The following DIPK1A variants were observed in gnomAD, a reference collection of about 807,000 sequenced individuals.
The protein encoded by DIPK1A is family with sequence similarity 69 member A.
Under a neutral mutation model 40.8 loss-of-function variants are expected in DIPK1A, and 27 were observed. That is an observed-to-expected ratio of 0.66 (90% confidence interval 0.49 to 0.91). DIPK1A has a LOEUF of 0.91. DIPK1A is among the 40% of genes least tolerant of loss of function. The probability of loss-of-function intolerance (pLI) is 0.00; values close to 1 mark genes in which losing one functional copy is unlikely to be tolerated. For missense variants in DIPK1A, 412 were observed against 505.7 expected (o/e 0.81, Z 1.78); for synonymous variants, 166 against 171.3 (o/e 0.97, Z 0.24).
In DIPK1A at chr1:92,843,554, G is replaced by A. The variant is rs1557447026; in HGVS notation, c.1116C>T (p.Asp372=). 1.3e-6 allele frequency: 2 copies of A among 1,552,086 alleles called. No individual in the cohort carries two copies. Residue 372 remains aspartate, a synonymous_variant, in exon 5 of 5, where the codon GAC becomes GAT. Transcript: ENST00000370310. ...CACTTGGAGCACCACGCAGTAGGTA[G>A]TCTTTGAGTAACTGACAAGCTTTTG... The part of the protein sequence containing the change: ...NLAKACQLLK[D]YLLRGAPSEI...
intron 1 of DIPK1A, among the ~76,000 whole-genome samples, chr1:92,954,673 C>A (rs1651775337): frequency 6.6e-6 from 1 of 152,026 alleles, no homozygotes; most frequent in South Asian, 2.1e-4. Context: ...CCGTGCCCAG[C>A]CGACAACACC....
chr1:92,931,993 T>C (rs536798206), intron 1 of DIPK1A: 57 of 491,716 alleles, frequency 1.2e-4, no homozygotes, highest in Non-Finnish European at 2.0e-4. Context: ...TGATAACATA[T>C]TTGCAATAAA....
chr1:92,848,906 T>C (rs1687718650), intron 3 of DIPK1A, among the ~76,000 whole-genome samples: 2 of 152,222 alleles, frequency 1.3e-5, no homozygotes, highest in Non-Finnish European at 2.9e-5. Context: ...AACCATAAGA[T>C]GAACATTAAA....
At chr1:92,951,435 C>T (rs1451757352) in intron 1 of DIPK1A, among the ~76,000 whole-genome samples, 1 of 152,156 alleles carries the variant, frequency 6.6e-6, no homozygotes, top group Non-Finnish European at 1.5e-5. Context: ...CGAATCATTC[C>T]CAAAACTCTA....
rs1687421965 is a variant in DIPK1A at position 92,842,624 on chromosome 1, T to G, written c.*759A>C. ...TAGTCTTGCACTTACAGTCCCACTTTCACATAGTTCAAAATCAGGATATGT... is the reference window on the plus strand; with the variant it reads ...TAGTCTTGCACTTACAGTCCCACTTGCACATAGTTCAAAATCAGGATATGT... On this transcript the variant is annotated 3_prime_UTR_variant, in exon 5 of 5. Transcript: ENST00000370310. The G allele has an allele frequency of 1.0e-6, 1 of 985,394 alleles. No homozygotes were observed. Among genetic ancestry groups the G allele is most frequent in the Non-Finnish European group, 1.2e-6 (1 of 829,874 alleles). 61.0% of individuals were successfully genotyped at this position (985,394 alleles called of 1,614,324 possible).
At chr1:92,896,174 C>A in intron 1 of DIPK1A, among the ~76,000 whole-genome samples, 1 of 151,978 alleles carries the variant, frequency 6.6e-6, no homozygotes, top group Non-Finnish European at 1.5e-5. Context: ...CATATGGAAC[C>A]AAAAAAGAGC....
chr1:92,892,002 C>T (rs1001777118), intron 1 of DIPK1A, among the ~76,000 whole-genome samples: 14 of 152,134 alleles, frequency 9.2e-5, no homozygotes, highest in African/African-American at 3.1e-4. Context: ...GTAAACAACG[C>T]GGCCAGGAAG....
intron 1 of DIPK1A, among the ~76,000 whole-genome samples, chr1:92,888,715 T>C (rs1053820805): frequency 3.3e-5 from 5 of 152,228 alleles, no homozygotes; most frequent in African/African-American, 1.2e-4. Context: ...TTTTTGAAAA[T>C]AGCCATTATA....
chr1:92,869,900 A>G (rs1647748685), intron 2 of DIPK1A, among the ~76,000 whole-genome samples: 1 of 152,162 alleles, frequency 6.6e-6, no homozygotes, highest in South Asian at 2.1e-4. Context: ...GACCAGAAGT[A>G]TGTGTGGATA....
chr1:92,939,859 G>A (rs533135207), intron 1 of DIPK1A, among the ~76,000 whole-genome samples: 6 of 152,226 alleles, frequency 3.9e-5, no homozygotes, highest in Non-Finnish European at 7.4e-5. Context: ...GGCTGAGGCA[G>A]GAGAATCACT....
At position 92,835,958 on chromosome 1, in the gene DIPK1A, A is replaced by G. The variant is rs139216657; in HGVS notation, c.475-2924T>C. ...ATAAGTCAAGTGTGGACATGTAGCA[A>G]AGATGCAAAAGTCATAAAACAAAAT... On this transcript the variant is annotated intron_variant, in intron 4 of 4. Transcript: ENST00000615519. Among the ~76,000 whole-genome samples the G allele has an allele frequency of 4.5e-3, 685 of 152,318 alleles. 10 individuals are homozygous for G. Among genetic ancestry groups the G allele is most frequent in the African/African-American group, 0.015 (632 of 41,556 alleles).
intron 1 of DIPK1A, among the ~76,000 whole-genome samples, chr1:92,934,938 T>C (rs1338864628): frequency 6.6e-6 from 1 of 152,192 alleles, no homozygotes; most frequent in Non-Finnish European, 1.5e-5. Flanking sequence ...AGCGTCAAGA[T>C]GAAGAATATT....
chr1:92,846,373 C>G (rs909779509), intron 4 of DIPK1A, among the ~76,000 whole-genome samples: 23 of 152,122 alleles, frequency 1.5e-4, no homozygotes, highest in Non-Finnish European at 2.8e-4. Flanking sequence ...AACACTAGAA[C>G]TTATTCTGCC....
intron 2 of DIPK1A, among the ~76,000 whole-genome samples, chr1:92,863,311 CTCTT>C (rs1475548568): frequency 6.6e-6 from 1 of 152,162 alleles, no homozygotes; most frequent in Non-Finnish European, 1.5e-5. Flanking sequence ...AACCCTTAGT[CTCTT>C]TCTTGCTTCA....
At chr1:92,959,464 T>C (rs1054639201) in intron 1 of DIPK1A, among the ~76,000 whole-genome samples, 17 of 147,948 alleles carry the variant, frequency 1.1e-4, no homozygotes, top group African/African-American at 4.2e-4. Flanking sequence ...TTTTTTTTTT[T>C]TTTTTGAGAC....
Position 92,959,115 on chromosome 1 carries a change from G to A in DIPK1A, c.54+2261C>T, listed in dbSNP as rs1016972383. On this transcript the variant is annotated intron_variant, in intron 1 of 4. Coordinates refer to ENST00000370310, the MANE Select transcript of DIPK1A (RefSeq NM_001006605.5). Reference sequence around the variant, plus strand: ...AGCCTGGGCAACACGGCGAAACTCCGTGTCTACAAAAATTAAAAAAATTAG... The same window carrying A: ...AGCCTGGGCAACACGGCGAAACTCCATGTCTACAAAAATTAAAAAAATTAG... Among the ~76,000 whole-genome samples the A allele has an allele frequency of 7.9e-5, 12 of 151,996 alleles. 1 individual carries two copies. The highest frequency in any genetic ancestry group is 2.9e-4 in the African/African-American group (12 of 41,440).
chr1:92,858,500 A>G (rs1048893633), intron 2 of DIPK1A, among the ~76,000 whole-genome samples: 1 of 152,206 alleles, frequency 6.6e-6, no homozygotes, highest in Non-Finnish European at 1.5e-5. Context: ...TTATTAAATA[A>G]CCAACATAAA....
At position 92,929,985 on chromosome 1, in the gene DIPK1A, T is replaced by C. The variant is rs185800951; in HGVS notation, c.54+31391A>G. On this transcript the variant is annotated intron_variant, in intron 1 of 4. Transcript: ENST00000370310. ...CTGGGCTTCACTCCAACTAAATAAA[T>C]TTTTAGAAAACATAACCACCCTTGA... is the stretch of plus-strand genomic sequence containing the variant. Among the ~76,000 whole-genome samples, 502 of 152,304 alleles carry C rather than the reference T, an allele frequency of 3.3e-3. 3 individuals carry two copies. Among genetic ancestry groups the C allele is most frequent in the African/African-American group, 0.011 (469 of 41,576 alleles).
At chr1:92,863,745 G>A (rs955646783) in intron 2 of DIPK1A, among the ~76,000 whole-genome samples, 1 of 151,958 alleles carries the variant, frequency 6.6e-6, no homozygotes, top group African/African-American at 2.4e-5. Context: ...AAGGAAAAAA[G>A]CTTGTACTTT....
Sources: gnomAD v4.1 joint callset for allele counts (sites outside exome capture counted in the v4.1 genomes callset) on GRCh38, gnomAD v4.1.1 for gene constraint, MANE v1.5 for transcripts, NCBI Gene and HGNC (gene_info 2026-07-23, HGNC 2026-07-21) for gene names.